Variants in ASTN2 observed in about 807,000 individuals in gnomAD.
The protein encoded by ASTN2 is astrotactin 2, also known as astrotactin-2.
ASTN2 carries 54 observed loss-of-function variants against 139.8 expected under a neutral mutation model. The observed-to-expected ratio is 0.39, with a 90% CI of 0.31 to 0.48. The LOEUF (loss-of-function observed/expected upper bound fraction) is 0.48. Ranked by LOEUF, ASTN2 falls within the 20% of genes least tolerant of loss-of-function variation. ASTN2 has a pLI of 0.95. For missense variants in ASTN2, 1,565 were observed against 1,725.1 expected, an observed-to-expected ratio of 0.91 and a Z score of 1.64; for synonymous variants, 756 against 719.5, an observed-to-expected ratio of 1.05 and a Z score of -0.81.
intron 19 of ASTN2, among the ~76,000 whole-genome samples, chr9:116,609,134 A>T (rs1225905252): frequency 6.6e-6 from 1 of 151,964 alleles, no homozygotes. Context: ...TTGGAGGAAA[A>T]GAAAAATGGC....
intron 2 of ASTN2, among the ~76,000 whole-genome samples, chr9:117,289,645 C>T (rs970677234): frequency 9.2e-5 from 14 of 152,160 alleles, no homozygotes; most frequent in Non-Finnish European, 7.3e-5. Context: ...AGAGCATTCA[C>T]ACCCCTCCGC....
intron 10 of ASTN2, among the ~76,000 whole-genome samples, chr9:116,877,188 C>G (rs1245496420): frequency 6.6e-6 from 1 of 152,226 alleles, no homozygotes; most frequent in Non-Finnish European, 1.5e-5. Context: ...GAAACAGGAA[C>G]TGCATTAGGG....
intron 19 of ASTN2, among the ~76,000 whole-genome samples, chr9:116,597,065 G>T (rs1588053875): frequency 6.6e-6 from 1 of 150,520 alleles, no homozygotes. Flanking sequence ...AATATAAGGG[G>T]ATTATCTCTC....
At chr9:116,626,440 G>A (rs981268755) in intron 17 of ASTN2, among the ~76,000 whole-genome samples, 49 of 152,042 alleles carry the variant, frequency 3.2e-4, no homozygotes, top group African/African-American at 1.1e-3. Context: ...AAAATAGGAT[G>A]TTCTGCCAAG....
chr9:117,270,236 C>T (rs1183974701), intron 2 of ASTN2, among the ~76,000 whole-genome samples: 1 of 152,112 alleles, frequency 6.6e-6, no homozygotes, highest in African/African-American at 2.4e-5. Context: ...TTTAAATGTA[C>T]AACACATAAT....
chr9:116,716,165 G>A (rs555331836), intron 16 of ASTN2, among the ~76,000 whole-genome samples: 3 of 152,310 alleles, frequency 2.0e-5, no homozygotes, highest in African/African-American at 7.2e-5. Context: ...ACAGGGGAAT[G>A]AGTATGATTT....
At chr9:117,176,649 A>G (rs1830925329) in intron 3 of ASTN2, among the ~76,000 whole-genome samples, 1 of 152,212 alleles carries the variant, frequency 6.6e-6, no homozygotes, top group Non-Finnish European at 1.5e-5. Flanking sequence ...TTTAACTTAC[A>G]GTGCCAGGTA....
In ASTN2 at chr9:117,109,091, G is replaced by C. The variant is rs919100912; in HGVS notation, c.1169-12940C>G. On this transcript the variant is annotated intron_variant, in intron 4 of 22. Transcript: ENST00000313400. ...CTTGAGGCCAGGAGTTTGCAGCCTG[G>C]CTAACATAGTGAAACCCCCGTCTCT... Among the ~76,000 whole-genome samples the C allele has an allele frequency of 2.0e-5, 3 of 152,132 alleles. No homozygotes were observed. In the South Asian group the frequency reaches 6.2e-4, roughly 32 times the overall value.
chr9:117,396,352 T>TCC (rs1830676459), intron 1 of ASTN2, among the ~76,000 whole-genome samples: 1 of 152,184 alleles, frequency 6.6e-6, no homozygotes, highest in Non-Finnish European at 1.5e-5. Context: ...TCCCCAGCTA[T>TCC]GAATGCTTAC....
At chr9:116,501,013 A>T (rs1026984489) in intron 19 of ASTN2, among the ~76,000 whole-genome samples, 9 of 152,196 alleles carry the variant, frequency 5.9e-5, no homozygotes, top group African/African-American at 2.2e-4. Flanking sequence ...AAACAGCTGA[A>T]TGCCCAAACT....
At chr9:116,437,890 C>G (rs530205056) in intron 22 of ASTN2, among the ~76,000 whole-genome samples, 2 of 152,158 alleles carry the variant, frequency 1.3e-5, no homozygotes, top group African/African-American at 4.8e-5. Flanking sequence ...ATCCCTGGAC[C>G]AAGCTCTCAT....
At chr9:116,859,792 T>C (rs1256640298) in intron 11 of ASTN2, among the ~76,000 whole-genome samples, 2 of 152,194 alleles carry the variant, frequency 1.3e-5, no homozygotes, top group African/African-American at 2.4e-5. Context: ...ATAGCACAGG[T>C]TGACAGCAAG....
In ASTN2 at chr9:117,134,293, TATACACACAC is replaced by T. The variant is rs1273563975; in HGVS notation, c.1168+7023_1168+7032del. ...ATATATATATATATATATATATATA[TATACACACAC>T]ACACACACACACACACACACACACA... On this transcript the variant is annotated intron_variant, in intron 4 of 22. Coordinates refer to ENST00000313400, the MANE Select transcript of ASTN2 (RefSeq NM_001365068.1). Among the ~76,000 whole-genome samples the T allele has an allele frequency of 8.2e-3, 444 of 53,830 alleles. 1 individual carries two copies. The highest frequency in any genetic ancestry group is 0.019 in the South Asian group (35 of 1,878). 35.3% of individuals were successfully genotyped at this position (53,830 alleles called of 152,430 possible).
intron 13 of ASTN2, among the ~76,000 whole-genome samples, chr9:116,794,354 T>G (rs1830636800): frequency 6.6e-6 from 1 of 152,044 alleles, no homozygotes; most frequent in South Asian, 2.1e-4. Context: ...CACTTCGGCC[T>G]CCCAAAGTGC....
intron 19 of ASTN2, among the ~76,000 whole-genome samples, chr9:116,590,054 T>A (rs1222255594): frequency 6.6e-6 from 1 of 152,192 alleles, no homozygotes; most frequent in East Asian, 1.9e-4. Flanking sequence ...AAGCGGCCAC[T>A]GCAAAGACAC....
chr9:117,307,042 A>G (rs1009649759), intron 1 of ASTN2, among the ~76,000 whole-genome samples: 6 of 152,194 alleles, frequency 3.9e-5, no homozygotes, highest in African/African-American at 1.4e-4. Flanking sequence ...TATACATTCA[A>G]TCAGGCTAAA....
chr9:117,318,868 AT>A (rs1828230963), intron 1 of ASTN2, among the ~76,000 whole-genome samples: 1 of 152,184 alleles, frequency 6.6e-6, no homozygotes, highest in Non-Finnish European at 1.5e-5. Flanking sequence ...AAGGCACTTC[AT>A]GAAAATAAAG....
At chr9:117,404,088 G>T (rs1183454079) in intron 1 of ASTN2, among the ~76,000 whole-genome samples, 1 of 152,176 alleles carries the variant, frequency 6.6e-6, no homozygotes, top group East Asian at 1.9e-4. Context: ...CAGATGCTGC[G>T]CTAGGTGCTT....
intron 7 of ASTN2, among the ~76,000 whole-genome samples, chr9:116,987,074 G>T (rs1836707518): frequency 6.6e-6 from 1 of 152,198 alleles, no homozygotes; most frequent in Non-Finnish European, 1.5e-5. Flanking sequence ...TACAAGATGA[G>T]TTCCAACCCA....
Sources: gnomAD v4.1 joint callset for allele counts (sites outside exome capture counted in the v4.1 genomes callset) on GRCh38, gnomAD v4.1.1 for gene constraint, MANE v1.5 for transcripts, NCBI Gene and HGNC (gene_info 2026-07-23, HGNC 2026-07-21) for gene names.